JAK3: variants seen among roughly 807,000 people sequenced by gnomAD.
JAK3 encodes the protein Janus kinase 3.
Under a neutral mutation model 120.8 loss-of-function variants are expected in JAK3, and 88 were observed. That is an observed-to-expected ratio of 0.73 (90% confidence interval 0.61 to 0.87). JAK3 has a LOEUF of 0.87. JAK3 is among the 40% of genes least tolerant of loss of function. The pLI is 0.00. For synonymous variants in JAK3, 592 were observed against 628.6 expected (o/e 0.94, Z 0.87); for missense variants, 1,254 against 1,501.4 (o/e 0.84, Z 2.72).
intron 10 of JAK3, 36 bp downstream of exon 10, chr19:17,839,441 G>A (rs202245076): frequency 6.5e-6 from 10 of 1,545,130 alleles, no homozygotes; most frequent in Non-Finnish European, 7.9e-6. Flanking sequence ...CAGGGTCCCA[G>A]ATCAGCCACT....
chr19:17,831,440 G>T lies in JAK3; in HGVS notation c.2806-40C>A. ...TGTGAGCGTGCAGAGAGGATCCCAG[G>T]ATAATCCGGCAGGTACCCCAAGCGT... On this transcript the variant is annotated intron_variant, in intron 20 of 23. Transcript: ENST00000458235. The surrounding 1 kb of genome is among the most constrained non-coding windows in gnomAD (Gnocchi z 5.1). 1 of 1,598,776 alleles carries T rather than the reference G, an allele frequency of 6.3e-7. No homozygotes were observed. Among genetic ancestry groups the T allele is most frequent in the Non-Finnish European group, 8.5e-7 (1 of 1,179,136 alleles).
chr19:17,831,818 T>C lies in JAK3; in HGVS notation c.2681-20A>G, dbSNP rs753342952. 1.2e-6 allele frequency: 2 copies of C among 1,612,302 alleles called. No homozygotes were observed. The highest frequency in any genetic ancestry group is 1.1e-5 in the South Asian group (1 of 91,048). On this transcript the variant is annotated intron_variant, in intron 19 of 23. Coordinates refer to ENST00000458235, the MANE Select transcript of JAK3 (RefSeq NM_000215.4). This position sits in a 1 kb window ranked among gnomAD's most constrained non-coding sequence, Gnocchi z 5.1. ...GGCGGCCTGGAGAAGGCAGGATCTG[T>C]CACAGCAGGGCCCAGCCCTGCTCGT...
rs200386684 is a variant in JAK3 at position 17,831,191 on chromosome 19, G to A, written c.2978+37C>T. On this transcript the variant is annotated intron_variant, in intron 21 of 23. Coordinates refer to ENST00000458235, the MANE Select transcript of JAK3 (RefSeq NM_000215.4). This position sits in a 1 kb window ranked among gnomAD's most constrained non-coding sequence, Gnocchi z 5.1. ...TGGCTGGGGGCGGAGCCAGAGCCGT[G>A]GGGAATAGGGGCGGAGCCTAGGCGC... 531 of 1,598,978 alleles carry A rather than the reference G, an allele frequency of 3.3e-4. No homozygotes were observed. Among genetic ancestry groups the A allele is most frequent in the Middle Eastern group, 6.7e-4 (4 of 5,952 alleles).
chr19:17,836,349 C>G (rs2094224262), intron 13 of JAK3, among the ~76,000 whole-genome samples: 1 of 152,010 alleles, frequency 6.6e-6, no homozygotes, highest in South Asian at 2.1e-4. Flanking sequence ...GTGGTGCGAT[C>G]TCGGCTTACT....
chr19:17,834,605 G>A lies in JAK3; in HGVS notation c.2316C>T (p.Ala772=), dbSNP rs139268535. Reference sequence around the variant, plus strand: ...TGAGGCTATTGAGGTCACGAATGACGGCTCGGAAGGAGGGCCTCTGGACCG... The same window carrying A: ...TGAGGCTATTGAGGTCACGAATGACAGCTCGGAAGGAGGGCCTCTGGACCG... The part of the protein sequence containing the change: ...YEPVQRPSFR[A]VIRDLNSLIS... The change falls in exon 17 of 24, where the codon GCC becomes GCT. Residue 772 remains alanine (A), a synonymous_variant. Coordinates refer to ENST00000458235, the MANE Select transcript of JAK3 (RefSeq NM_000215.4). The A allele has an allele frequency of 1.0e-5, 16 of 1,607,468 alleles. No homozygotes were observed. The highest frequency in any genetic ancestry group is 1.7e-5 in the Admixed American group (1 of 59,750).
In JAK3 at chr19:17,832,900, C is replaced by G; in HGVS notation, c.2380G>C (p.Gly794Arg). ...AGCCCATCACGAGGTGCCAGGGCAC[C>G]AGGTGTGGGGTCTGAGAGGAGCTCA... is the stretch of plus-strand genomic sequence containing the variant. ...DYELLSDPTP[G>R]ALAPRDGLWN... The change falls in exon 18 of 24, where the codon GGT becomes CGT. Residue 794 changes from glycine to arginine, a missense_variant. By Grantham distance (125) the Gly-to-Arg change is moderately radical (BLOSUM62 -2). Coordinates refer to ENST00000458235, the MANE Select transcript of JAK3 (RefSeq NM_000215.4). This position sits in a 1 kb window ranked among gnomAD's most constrained non-coding sequence, Gnocchi z 4.7. The G allele has an allele frequency of 6.2e-7, 1 of 1,614,162 alleles. No homozygotes were observed. The highest frequency in any genetic ancestry group is 8.5e-7 in the Non-Finnish European group (1 of 1,180,010).
chr19:17,831,570 C>T lies in JAK3; in HGVS notation c.2805+104G>A. Reference sequence around the variant, plus strand: ...AAGCCAACCCCACCACTCCCGAGACCTGGACCCCAAACCACTCCTCAGCCT... The same window carrying T: ...AAGCCAACCCCACCACTCCCGAGACTTGGACCCCAAACCACTCCTCAGCCT... On this transcript the variant is annotated intron_variant, in intron 20 of 23. Coordinates refer to ENST00000458235, the MANE Select transcript of JAK3 (RefSeq NM_000215.4). This position sits in a 1 kb window ranked among gnomAD's most constrained non-coding sequence, Gnocchi z 5.1. The T allele has an allele frequency of 7.3e-6, 11 of 1,516,886 alleles. No homozygotes were observed. The highest frequency in any genetic ancestry group is 9.8e-6 in the Non-Finnish European group (11 of 1,128,060). 94.0% of individuals were successfully genotyped at this position (1,516,886 alleles called of 1,614,324 possible). A position where few individuals can be genotyped will look rare whatever the true frequency, so the allele number is the denominator to read the frequency against.
At position 17,832,652 on chromosome 19, in the gene JAK3, A is replaced by C. The variant is rs1217234976; in HGVS notation, c.2547T>G (p.Gly849=). The C allele has an allele frequency of 1.9e-6, 3 of 1,614,208 alleles. No individual in the cohort carries two copies. The highest frequency in any genetic ancestry group is 4.5e-5 in the East Asian group (2 of 44,892). Residue 849 remains glycine, a synonymous_variant, in exon 19 of 24, where the codon GGT becomes GGG. Coordinates refer to ENST00000458235, the MANE Select transcript of JAK3 (RefSeq NM_000215.4). This position sits in a 1 kb window ranked among gnomAD's most constrained non-coding sequence, Gnocchi z 4.7. ...GCAGCTGTTTCACGGCCACCAGGGC[A>C]CCTGTATTGTCGCCTAGCGGGTCAT... The part of the protein sequence containing the change: ...CRYDPLGDNT[G]ALVAVKQLQH...
intron 13 of JAK3, 130 bp from the exon 14 acceptor site, chr19:17,836,181 TG>T: frequency 9.5e-7 from 1 of 1,056,140 alleles, no homozygotes; most frequent in East Asian, 2.4e-5. Context: ...CTGCTGCCTC[TG>T]TTCATACAGT....
At position 17,842,295 on chromosome 19, in the gene JAK3, A is replaced by G; in HGVS notation, c.861+21T>C. 1.2e-6 allele frequency: 1 copy of G among 857,550 alleles called. No homozygotes were observed. Among genetic ancestry groups the G allele is most frequent in the African/African-American group, 2.2e-5 (1 of 44,580 alleles). 53.1% of individuals were successfully genotyped at this position (857,550 alleles called of 1,614,324 possible). On this transcript the variant is annotated intron_variant, in intron 6 of 23. Transcript: ENST00000458235. This position sits in a 1 kb window ranked among gnomAD's most constrained non-coding sequence, Gnocchi z 6.4. ...CCCCGCCCCCACGTTGGCCCCGCCC[A>G]GCGGGGGAGTCCGCCCTCACCTCCT...
In JAK3 at chr19:17,831,572, G is replaced by A; in HGVS notation, c.2805+102C>T. On this transcript the variant is annotated intron_variant, in intron 20 of 23. Coordinates refer to ENST00000458235, the MANE Select transcript of JAK3 (RefSeq NM_000215.4). This position sits in a 1 kb window ranked among gnomAD's most constrained non-coding sequence, Gnocchi z 5.1. ...GCCAACCCCACCACTCCCGAGACCT[G>A]GACCCCAAACCACTCCTCAGCCTTC... 6.6e-7 allele frequency: 1 copy of A among 1,513,946 alleles called. No homozygotes were observed. The allele number at this position is 1,513,946 out of a possible 1,614,324, so 93.8% of individuals were successfully genotyped here. A position where few individuals can be genotyped will look rare whatever the true frequency, so the allele number is the denominator to read the frequency against.
rs2147682834 is a variant in JAK3 at position 17,835,110 on chromosome 19, C to A, written c.2020G>T (p.Val674Phe). 1 of 1,614,222 alleles carries A rather than the reference C, an allele frequency of 6.2e-7. No homozygotes were observed. Among genetic ancestry groups the A allele is most frequent in the Non-Finnish European group, 8.5e-7 (1 of 1,180,036 alleles). Residue 674 changes from valine to phenylalanine, a missense_variant, in exon 15 of 24, where the codon GTC becomes TTC. Physicochemically the swap from Val to Phe is conservative, Grantham distance 50. Transcript: ENST00000458235. ...TCCAGGCTTAACACAGCGGGGCTGA[C>A]CCCAGGGTCACTCAGCTTGATGAAG... is the stretch of plus-strand genomic sequence containing the variant. Reference protein sequence around the residue: ...PPFIKLSDPGVSPAVLSLEML... With the variant: ...PPFIKLSDPGFSPAVLSLEML...
In JAK3 at chr19:17,825,900, C is replaced by CAAAAA. The variant is rs34803277; in HGVS notation, c.*838_*842dup. 3 of 52,840 alleles carry CAAAAA rather than the reference C, an allele frequency of 5.7e-5. No individual in the cohort carries two copies. The highest frequency in any genetic ancestry group is 7.5e-5 in the African/African-American group (1 of 13,362). 3.3% of individuals were successfully genotyped at this position (52,840 alleles called of 1,614,324 possible). Reference sequence around the variant, plus strand: ...TGGGCGACAGAGCGAGACTCCGTCTCAAAAAAAAAAAAAAAAAAAAAGCTA... The same window carrying CAAAAA: ...TGGGCGACAGAGCGAGACTCCGTCTCAAAAAAAAAAAAAAAAAAAAAAAAAAGCTA... On this transcript the variant is annotated 3_prime_UTR_variant, in exon 24 of 24. Coordinates refer to ENST00000458235, the MANE Select transcript of JAK3 (RefSeq NM_000215.4).
intron 21 of JAK3, 52 bp from the exon 22 acceptor site, chr19:17,830,672 AG>A (rs1345801001): frequency 1.4e-6 from 2 of 1,450,180 alleles, no homozygotes; most frequent in South Asian, 1.1e-5. Flanking sequence ...GGACAGGAAG[AG>A]GGGGGCAGCC....
rs2094221504 is a variant in JAK3 at position 17,835,009 on chromosome 19, G to A, written c.2048-6C>T. The A allele has an allele frequency of 6.2e-7, 1 of 1,614,118 alleles. No homozygotes were observed. Among genetic ancestry groups the A allele is most frequent in the Non-Finnish European group, 8.5e-7 (1 of 1,180,018 alleles). ...GGGGATCCTGTCGGTGAGCACTGAG[G>A]GAATGAAAGTGGGATCAGGGATCCA... is the stretch of plus-strand genomic sequence containing the variant. On this transcript the variant is annotated splice_region_variant and splice_polypyrimidine_tract_variant and intron_variant, in intron 15 of 23. Coordinates refer to ENST00000458235, the MANE Select transcript of JAK3 (RefSeq NM_000215.4).
At position 17,844,214 on chromosome 19, in the gene JAK3, T is replaced by A. The variant is rs2094246670; in HGVS notation, c.184+20A>T. 1 of 1,570,404 alleles carries A rather than the reference T, an allele frequency of 6.4e-7. No homozygotes were observed. The highest frequency in any genetic ancestry group is 1.4e-5 in the African/African-American group (1 of 73,950). On this transcript the variant is annotated intron_variant, in intron 2 of 23. Transcript: ENST00000458235. ...AGCCCCATCCTTCCCTCTGGCCCGA[T>A]CCACTAGGGATGCACTCACCGCTGG...
chr19:17,837,993 TC>T lies in JAK3; in HGVS notation c.1639del (p.Glu547ArgfsTer9). On this transcript the variant is annotated frameshift_variant, in exon 12 of 24. Transcript: ENST00000458235. LOFTEE classifies it high-confidence loss of function. ...RGCRHEVVDGEARKTEVLLKV... is the reference protein window; with the variant it reads ...RGCRHEVVDGXARKTEVLLKV... Reference sequence around the variant, plus strand: ...CAGCAGCACCTCTGTCTTTCGGGCCTCCCCATCCACCACCTCATGGCGACAG... The same window carrying T: ...CAGCAGCACCTCTGTCTTTCGGGCCTCCCATCCACCACCTCATGGCGACAG... The T allele has an allele frequency of 6.2e-7, 1 of 1,614,032 alleles. No individual in the cohort carries two copies.
chr19:17,839,857 C>T (rs981360170), intron 9 of JAK3, among the ~76,000 whole-genome samples, 194 bp from the exon 10 acceptor site: 20 of 151,494 alleles, frequency 1.3e-4, no homozygotes, highest in African/African-American at 4.9e-4. Flanking sequence ...TCTCCTGCCT[C>T]AGCCTCCCGA....
At position 17,842,382 on chromosome 19, in the gene JAK3, G is replaced by A. The variant is rs778908329; in HGVS notation, c.795C>T (p.His265=). 9.5e-6 allele frequency: 15 copies of A among 1,586,086 alleles called. No homozygotes were observed. In the South Asian group the frequency reaches 1.7e-4, roughly 18 times the overall value. The change falls in exon 6 of 24, where the codon CAC becomes CAT. Residue 265 remains histidine, a synonymous_variant. Transcript: ENST00000458235. The surrounding 1 kb of genome is among the most constrained non-coding windows in gnomAD (Gnocchi z 6.4). ...HVGLPGALGG[H]DGLGLLRVAG... ...CCACGCGGAGCAGCCCCAGCCCGTC[G>A]TGGCCACCAAGGGCCCCAGGGAGGC...
Sources: gnomAD v4.1 joint callset for allele counts (sites outside exome capture counted in the v4.1 genomes callset) on GRCh38, gnomAD v4.1.1 for gene constraint, Gnocchi (gnomAD v3.1) non-coding constraint, MANE v1.5 for transcripts, NCBI Gene and HGNC (gene_info 2026-07-23, HGNC 2026-07-21) for gene names.